The following KCNN2 variants were observed in gnomAD, a reference collection of about 807,000 sequenced individuals.
KCNN2 encodes potassium calcium-activated channel subfamily N member 2, also known as small conductance calcium-activated potassium channel protein 2.
In KCNN2, 24 loss-of-function variants were observed where a neutral mutation model predicts 55.5. The ratio of observed to expected loss-of-function variants is 0.43; its 90% CI spans 0.31 to 0.61. The LOEUF (loss-of-function observed/expected upper bound fraction) is 0.61, where lower values mean the gene tolerates loss of function less well. Among genes scored for constraint, KCNN2 ranks in the 20% least tolerant of loss-of-function variants. The pLI is 0.08. For missense variants in KCNN2, 754 were observed against 853.6 expected (o/e 0.88, Z 1.45); for synonymous variants, 431 against 336.1 (o/e 1.28, Z -3.09).
intron 2 of KCNN2, among the ~76,000 whole-genome samples, chr5:114,375,952 G>GTGTGTATATATATATATATATA (rs1249028214): frequency 1.9e-5 from 2 of 104,722 alleles, no homozygotes; most frequent in Admixed American, 1.1e-4. Flanking sequence ...GACTCACAGT[G>GTGTGTATATATATATATATATA]TATATATATA....
intron 1 of KCNN2, among the ~76,000 whole-genome samples, chr5:114,169,732 A>G (rs1752993266): frequency 6.6e-6 from 1 of 152,062 alleles, no homozygotes; most frequent in Non-Finnish European, 1.5e-5. Flanking sequence ...TTGAACAAGG[A>G]CATAGATGTT....
upstream of KCNN2, among the ~76,000 whole-genome samples, chr5:114,357,295 ATT>A (rs200568310): frequency 1.1e-3 from 162 of 145,422 alleles, 2 homozygotes; most frequent in African/African-American, 3.9e-3. Flanking sequence ...ACAACATGAA[ATT>A]TTTTTTTTTT....
intron 1 of KCNN2, among the ~76,000 whole-genome samples, chr5:114,194,886 ATT>A (rs61169195): frequency 0.93 from 133,700 of 143,802 alleles, 62,423 homozygotes; most frequent in East Asian, 0.99. Flanking sequence ...CCTTGATTTA[ATT>A]TTTTTTTTTT....
chr5:114,245,868 G>A (rs1754739942), intron 2 of KCNN2, among the ~76,000 whole-genome samples: 1 of 152,108 alleles, frequency 6.6e-6, no homozygotes, highest in Admixed American at 6.6e-5. Context: ...ACTCTTTTCT[G>A]CTCTCCTGTG....
At chr5:114,251,930 G>A (rs545752322) in intron 2 of KCNN2, among the ~76,000 whole-genome samples, 5 of 146,304 alleles carry the variant, frequency 3.4e-5, no homozygotes, top group Non-Finnish European at 7.4e-5. Flanking sequence ...CCAGGCTGAA[G>A]TGTAGTGGTG....
intron 1 of KCNN2, among the ~76,000 whole-genome samples, chr5:114,144,214 C>T (rs1008426508): frequency 6.6e-6 from 1 of 152,146 alleles, no homozygotes; most frequent in Non-Finnish European, 1.5e-5. Context: ...ATACAAAAAT[C>T]AGAAGTATTC....
At chr5:114,066,842 G>A (rs1353171214) in intron 1 of KCNN2, among the ~76,000 whole-genome samples, 1 of 152,190 alleles carries the variant, frequency 6.6e-6, no homozygotes, top group Non-Finnish European at 1.5e-5. Context: ...GCCTCCCAAA[G>A]TGCTGGGATT....
Position 114,279,832 on chromosome 5 carries a change from G to GT in KCNN2, c.-185+58267_-185+58268insT, listed in dbSNP as rs1386331979. Among the ~76,000 whole-genome samples the GT allele has an allele frequency of 5.9e-5, 9 of 152,138 alleles. No homozygotes were observed. The East Asian group carries it at 9.7e-4, about 16-fold the overall frequency. On this transcript the variant is annotated intron_variant, in intron 2 of 10. Coordinates refer to the KCNN2 transcript ENST00000512097. ...ATATACCCAGTAATGGGATGGCTGGGCCAAATGGTATTTCTAGTTCTAGAT... is the reference window on the plus strand; with the variant it reads ...ATATACCCAGTAATGGGATGGCTGGGTCCAAATGGTATTTCTAGTTCTAGAT...
At chr5:114,181,725 A>C (rs1035179068) in intron 1 of KCNN2, among the ~76,000 whole-genome samples, 1 of 152,202 alleles carries the variant, frequency 6.6e-6, no homozygotes, top group African/African-American at 2.4e-5. Flanking sequence ...ATGTCAAATT[A>C]ATTTTTGTGG....
At chr5:114,315,970 CA>C (rs5870598) in intron 2 of KCNN2, among the ~76,000 whole-genome samples, 93,219 of 151,462 alleles carry the variant, frequency 0.62, 28,905 homozygotes, top group East Asian at 0.9. Context: ...TGGAAGGAGG[CA>C]AAAAAAACCA....
chr5:114,101,063 C>T (rs992772095), intron 1 of KCNN2, among the ~76,000 whole-genome samples: 1 of 151,698 alleles, frequency 6.6e-6, no homozygotes, highest in African/African-American at 2.4e-5. Flanking sequence ...ATTATTATAA[C>T]TTTTATTTCT....
At chr5:114,375,587 T>G (rs1359257163) in intron 2 of KCNN2, among the ~76,000 whole-genome samples, 2 of 152,164 alleles carry the variant, frequency 1.3e-5, no homozygotes, top group Non-Finnish European at 2.9e-5. Flanking sequence ...ATACATGTCA[T>G]TGGTTTAAAA....
intron 1 of KCNN2, among the ~76,000 whole-genome samples, chr5:114,131,402 A>G (rs1389023286): frequency 6.6e-6 from 1 of 152,028 alleles, no homozygotes; most frequent in South Asian, 2.1e-4. Flanking sequence ...TGTTCCTGTT[A>G]ATTTGCTGAG....
At chr5:114,097,550 T>C (rs924278368) in intron 1 of KCNN2, among the ~76,000 whole-genome samples, 1 of 152,182 alleles carries the variant, frequency 6.6e-6, no homozygotes, top group African/African-American at 2.4e-5. Flanking sequence ...TGTCAAAATA[T>C]TAAAATGCTG....
chr5:114,439,226 A>C (rs1292386520), intron 3 of KCNN2, among the ~76,000 whole-genome samples: 1 of 152,216 alleles, frequency 6.6e-6, no homozygotes, highest in African/African-American at 2.4e-5. Flanking sequence ...TGCAAGTAAT[A>C]AGCTGGCTCT....
chr5:114,102,373 C>T (rs1580514845), intron 1 of KCNN2, among the ~76,000 whole-genome samples: 1 of 151,860 alleles, frequency 6.6e-6, no homozygotes, highest in Non-Finnish European at 1.5e-5. Flanking sequence ...AAATTTTCTC[C>T]CATTCTATAG....
In KCNN2 at chr5:114,232,922, C is replaced by CTCGTTTTT. The variant is rs200715120; in HGVS notation, c.-185+11358_-185+11359insCGTTTTTT. On this transcript the variant is annotated intron_variant, in intron 2 of 10. Coordinates refer to the KCNN2 transcript ENST00000512097. Reference sequence around the variant, plus strand: ...TCAGAGGTAATTTTTTATATTGTTTCTTGTTTTTTTTTTTTTGAGACGGAG... The same window carrying CTCGTTTTT: ...TCAGAGGTAATTTTTTATATTGTTTCTCGTTTTTTTGTTTTTTTTTTTTTGAGACGGAG... Among the ~76,000 whole-genome samples the CTCGTTTTT allele has an allele frequency of 4.1e-4, 18 of 44,040 alleles. 2 individuals carry two copies. Among genetic ancestry groups the CTCGTTTTT allele is most frequent in the Admixed American group, 3.3e-3 (12 of 3,686 alleles). 28.9% of individuals were successfully genotyped at this position (44,040 alleles called of 152,430 possible).
chr5:114,223,926 C>T (rs1273432873), intron 2 of KCNN2, among the ~76,000 whole-genome samples: 11 of 152,110 alleles, frequency 7.2e-5, no homozygotes, highest in African/African-American at 2.7e-4. Context: ...AATGTTGGTT[C>T]TATGGTTGTT....
chr5:114,379,915 A>G (rs1030724556), intron 2 of KCNN2, among the ~76,000 whole-genome samples: 2 of 148,346 alleles, frequency 1.3e-5, no homozygotes, highest in East Asian at 3.9e-4. Flanking sequence ...AATGAATAAC[A>G]TAATATATAC....
Sources: gnomAD v4.1 joint callset for allele counts (sites outside exome capture counted in the v4.1 genomes callset) on GRCh38, gnomAD v4.1.1 for gene constraint, MANE v1.5 for transcripts, NCBI Gene and HGNC (gene_info 2026-07-23, HGNC 2026-07-21) for gene names.